DLGAP2: variants seen among roughly 807,000 people sequenced by gnomAD.
DLGAP2 encodes the protein DLG associated protein 2.
A neutral mutation model predicts 100.3 loss-of-function variants in DLGAP2; 26 were observed. The observed-to-expected ratio is 0.26, with a 90% CI of 0.19 to 0.36. DLGAP2 has a LOEUF of 0.36. DLGAP2 is among the 10% of genes least tolerant of loss of function. DLGAP2 has a pLI of 1.00. For synonymous variants in DLGAP2, 886 were observed against 630.1 expected (o/e 1.41, Z -6.08); for missense variants, 1,858 against 1,453.2 (o/e 1.28, Z -4.53).
chr8:1,554,701 G>C (rs1400583069), intron 5 of DLGAP2, among the ~76,000 whole-genome samples: 1 of 152,112 alleles, frequency 6.6e-6, no homozygotes, highest in Non-Finnish European at 1.5e-5. Flanking sequence ...TTGAGCATAA[G>C]GGTCTCTCCG....
chr8:1,673,342 T>G (rs1798736239), intron 10 of DLGAP2, among the ~76,000 whole-genome samples: 1 of 152,198 alleles, frequency 6.6e-6, no homozygotes, highest in South Asian at 2.1e-4. Flanking sequence ...AATAATTTAT[T>G]TTCTTTGTCC....
At chr8:998,485 T>C (rs1007850374) in intron 2 of DLGAP2, among the ~76,000 whole-genome samples, 1 of 148,522 alleles carries the variant, frequency 6.7e-6, no homozygotes, top group African/African-American at 2.5e-5. Flanking sequence ...TTTTTTTTTC[T>C]AGAGATAGGA....
rs189550445 is a variant in DLGAP2 at position 1,697,359 on chromosome 8, C to T, written c.2949+60C>T. ...ACCCCCTTTCTCACTGCACTAACGA[C>T]CTGCTGCAGATAGAGCATGACAACG... On this transcript the variant is annotated intron_variant, in intron 14 of 14. Transcript: ENST00000637795. 8.6e-5 allele frequency: 131 copies of T among 1,526,796 alleles called. 1 individual carries two copies. The Admixed American group carries it at 2.7e-3, about 32-fold the overall frequency. The allele number at this position is 1,526,796 out of a possible 1,614,324, so 94.6% of individuals were successfully genotyped here. A position where few individuals can be genotyped will look rare whatever the true frequency, so the allele number is the denominator to read the frequency against.
rs548701198 is a variant in DLGAP2 at position 1,601,394 on chromosome 8, G to A, written c.1443-25346G>A. ...GGCACTCTGTGCCTTAGCAGAGCTC[G>A]AGCGCTGTGCTGGGAGAGCTGCTGC... is the stretch of plus-strand genomic sequence containing the variant. On this transcript the variant is annotated intron_variant, in intron 6 of 14. Coordinates refer to ENST00000637795, the MANE Select transcript of DLGAP2 (RefSeq NM_001346810.2). 4.6e-5 allele frequency among the ~76,000 whole-genome samples: 7 copies of A among 152,306 alleles called. No individual in the cohort carries two copies. In the South Asian group the frequency reaches 6.2e-4, roughly 14 times the overall value.
intron 2 of DLGAP2, among the ~76,000 whole-genome samples, chr8:930,428 G>A (rs1044225372): frequency 8.5e-5 from 13 of 152,222 alleles, no homozygotes; most frequent in African/African-American, 2.7e-4. Context: ...GGGACTCCAG[G>A]CACACACAGC....
chr8:812,537 A>G (rs10098614), intron 1 of DLGAP2, among the ~76,000 whole-genome samples: 38,825 of 152,184 alleles, frequency 0.26, 5,454 homozygotes, highest in African/African-American at 0.37. Context: ...TGTGGCAAAG[A>G]CAGTGTCATT....
At chr8:1,699,967 GC>G (rs1799521243) in intron 14 of DLGAP2, among the ~76,000 whole-genome samples, 1 of 152,178 alleles carries the variant, frequency 6.6e-6, no homozygotes, top group Admixed American at 6.5e-5. Flanking sequence ...ACAGTTATGT[GC>G]TGAAAAAAGG....
intron 3 of DLGAP2, among the ~76,000 whole-genome samples, chr8:1,315,969 G>T: frequency 7.4e-6 from 1 of 135,548 alleles, no homozygotes; most frequent in East Asian, 2.2e-4. Context: ...GAGAAACTTC[G>T]CAGCTTTTAA....
chr8:1,176,214 G>A (rs1446850750), intron 2 of DLGAP2, among the ~76,000 whole-genome samples: 1 of 152,154 alleles, frequency 6.6e-6, no homozygotes, highest in Non-Finnish European at 1.5e-5. Flanking sequence ...GAGACAGTGT[G>A]GGAAATGCTG....
intron 1 of DLGAP2, among the ~76,000 whole-genome samples, chr8:844,264 C>G (rs1278199589): frequency 6.6e-6 from 1 of 152,132 alleles, no homozygotes; most frequent in East Asian, 1.9e-4. Context: ...CATTGATTTA[C>G]TTTTTTTAAA....
In DLGAP2 at chr8:1,207,075, C is replaced by A. The variant is rs10105644; in HGVS notation, c.74-51776C>A. ...CTAGATGTGTCCTTCACAGTGTTAC[C>A]TAAATCTGCAATTCTTCCTTTTTTA... On this transcript the variant is annotated intron_variant, in intron 2 of 14. Transcript: ENST00000637795. Among the ~76,000 whole-genome samples the A allele has an allele frequency of 6.5e-4, 98 of 151,934 alleles. No individual in the cohort carries two copies. In the South Asian group the frequency reaches 9.2e-3, roughly 14 times the overall value.
chr8:1,563,977 A>C (rs1802288137), intron 5 of DLGAP2, among the ~76,000 whole-genome samples: 1 of 152,124 alleles, frequency 6.6e-6, no homozygotes, highest in South Asian at 2.1e-4. Context: ...AAATATGGAA[A>C]TTTTTTATTT....
chr8:837,649 A>C (rs1450748397), intron 1 of DLGAP2, among the ~76,000 whole-genome samples: 1 of 144,600 alleles, frequency 6.9e-6, no homozygotes, highest in Non-Finnish European at 1.5e-5. Context: ...GCCTTGTAGA[A>C]ATTTGTTTGT....
At chr8:1,216,602 C>A (rs568079207) in intron 2 of DLGAP2, among the ~76,000 whole-genome samples, 1 of 152,146 alleles carries the variant, frequency 6.6e-6, no homozygotes, top group South Asian at 2.1e-4. Context: ...CCTCAAAGTG[C>A]TGAGATTACA....
intron 2 of DLGAP2, among the ~76,000 whole-genome samples, chr8:1,079,054 C>T (rs917455120): frequency 6.6e-6 from 1 of 152,216 alleles, no homozygotes; most frequent in Non-Finnish European, 1.5e-5. Context: ...TCCATGTCCT[C>T]ACCAGCGTTT....
intron 2 of DLGAP2, among the ~76,000 whole-genome samples, chr8:1,214,677 A>G (rs1359418259): frequency 3.3e-5 from 5 of 152,178 alleles, no homozygotes; most frequent in African/African-American, 1.2e-4. Flanking sequence ...TTTAACAAGG[A>G]CGGCGCCTTT....
chr8:779,429 G>A (rs1821626537), intron 1 of DLGAP2, among the ~76,000 whole-genome samples: 1 of 151,782 alleles, frequency 6.6e-6, no homozygotes, highest in South Asian at 2.1e-4. Flanking sequence ...TCAGTCCAGA[G>A]CATGCTTTTC....
intron 4 of DLGAP2, among the ~76,000 whole-genome samples, chr8:1,505,839 T>C (rs940957908): frequency 6.6e-6 from 1 of 152,216 alleles, no homozygotes; most frequent in Non-Finnish European, 1.5e-5. Context: ...GAATGTTATA[T>C]TTAAATCAGC....
chr8:751,981 GC>G (rs952891353), intron 1 of DLGAP2, among the ~76,000 whole-genome samples: 1 of 152,096 alleles, frequency 6.6e-6, no homozygotes, highest in Non-Finnish European at 1.5e-5. Context: ...CTTTTTTCAG[GC>G]CCATTTTTTT....
Sources: gnomAD v4.1 joint callset for allele counts (sites outside exome capture counted in the v4.1 genomes callset) on GRCh38, gnomAD v4.1.1 for gene constraint, MANE v1.5 for transcripts, NCBI Gene and HGNC (gene_info 2026-07-23, HGNC 2026-07-21) for gene names.